Variants in METTL25 observed in about 807,000 individuals in gnomAD.
The protein encoded by METTL25 is probable methyltransferase-like protein 25.
In METTL25, 64 loss-of-function variants were observed where a neutral mutation model predicts 71.6. That is an observed-to-expected ratio of 0.89 (90% confidence interval 0.73 to 1.10). The LOEUF is 1.10. METTL25 is among the 50% of genes least tolerant of loss of function. The probability of loss-of-function intolerance (pLI) is 0.00; values close to 1 mark genes in which losing one functional copy is unlikely to be tolerated. For synonymous variants in METTL25, 287 were observed against 250.3 expected, an observed-to-expected ratio of 1.15 and a Z score of -1.38; for missense variants, 807 against 707.0, an observed-to-expected ratio of 1.14 and a Z score of -1.60.
intron 5 of METTL25, among the ~76,000 whole-genome samples, chr12:82,408,498 G>A (rs185846316): frequency 9.2e-5 from 14 of 152,092 alleles, no homozygotes; most frequent in African/African-American, 2.7e-4. Context: ...ACAAATTCAA[G>A]GAGAAAAATC....
At chr12:82,407,728 A>G (rs1339277146) in intron 5 of METTL25, 1 of 810,086 alleles carries the variant, frequency 1.2e-6, no homozygotes, top group Non-Finnish European at 1.5e-6. Flanking sequence ...TCGGAGGTCA[A>G]GAAAACAGTT....
At chr12:82,421,249 A>G (rs1592694987) in intron 5 of METTL25, among the ~76,000 whole-genome samples, 1 of 152,162 alleles carries the variant, frequency 6.6e-6, no homozygotes, top group African/African-American at 2.4e-5. Context: ...TGGCACACCA[A>G]TCAAAAGACT....
chr12:82,446,951 A>C (rs1565872768), intron 8 of METTL25, among the ~76,000 whole-genome samples: 1 of 152,188 alleles, frequency 6.6e-6, no homozygotes, highest in Non-Finnish European at 1.5e-5. Context: ...AATGAAGACA[A>C]CATACCAGAC....
intron 5 of METTL25, among the ~76,000 whole-genome samples, chr12:82,412,312 A>G (rs910906384): frequency 2.0e-5 from 3 of 152,218 alleles, no homozygotes; most frequent in South Asian, 4.1e-4. Context: ...ATTCATCACA[A>G]TCTATTCAAT....
intron 7 of METTL25, 64 bp downstream of exon 7, chr12:82,434,788 C>G (rs1889796338): frequency 1.6e-6 from 2 of 1,289,508 alleles, no homozygotes; most frequent in African/African-American, 2.9e-5. Flanking sequence ...CATACTTGAC[C>G]TGCTGATGAA....
At chr12:82,385,164 T>C (rs1884856025) in intron 1 of METTL25, among the ~76,000 whole-genome samples, 1 of 152,186 alleles carries the variant, frequency 6.6e-6, no homozygotes, top group Admixed American at 6.5e-5. Context: ...GCTGATTTTA[T>C]TCATATTAAT....
At chr12:82,447,690 A>T (rs967989102) in intron 8 of METTL25, among the ~76,000 whole-genome samples, 1 of 152,154 alleles carries the variant, frequency 6.6e-6, no homozygotes, top group African/African-American at 2.4e-5. Context: ...AGAAGTACAT[A>T]TAGAAATCAA....
At position 82,399,040 on chromosome 12, in the gene METTL25, G is replaced by C; in HGVS notation, c.777G>C (p.Glu259Asp). Residue 259 changes from glutamate (E) to aspartate (D), a missense_variant, in exon 4 of 12, where the codon GAG (glutamate) becomes GAC (aspartate). Physicochemically the swap from Glu to Asp is conservative, Grantham distance 45 (BLOSUM62 2). Coordinates refer to ENST00000248306, the MANE Select transcript of METTL25 (RefSeq NM_032230.3). ...AAGTTAAAAATAAAGCTGATACTGA[G>C]GAAGTGTTTAACAACAGTCCTACAA... ...QNKVKNKADT[E>D]EVFNNSPTNQ... 3 of 1,612,374 alleles carry C rather than the reference G, an allele frequency of 1.9e-6. No individual in the cohort carries two copies. Among genetic ancestry groups the C allele is most frequent in the Non-Finnish European group, 2.5e-6 (3 of 1,179,148 alleles).
intron 8 of METTL25, among the ~76,000 whole-genome samples, chr12:82,440,411 A>G (rs973482504): frequency 1.3e-5 from 2 of 151,970 alleles, no homozygotes; most frequent in Non-Finnish European, 2.9e-5. Flanking sequence ...CACCAATTCT[A>G]TTCTTTTCTT....
intron 3 of METTL25, among the ~76,000 whole-genome samples, chr12:82,392,725 A>G (rs796694044): frequency 2.6e-5 from 4 of 152,144 alleles, no homozygotes; most frequent in African/African-American, 9.6e-5. Context: ...AATGTCCTAG[A>G]GTGTTTCCCC....
intron 8 of METTL25, among the ~76,000 whole-genome samples, chr12:82,445,617 T>C (rs1336913449): frequency 6.6e-6 from 1 of 152,154 alleles, no homozygotes; most frequent in African/African-American, 2.4e-5. Flanking sequence ...CCATAAACCT[T>C]GAATAACAAT....
chr12:82,380,921 A>G (rs1884380539), intron 1 of METTL25, among the ~76,000 whole-genome samples: 1 of 152,232 alleles, frequency 6.6e-6, no homozygotes, highest in Non-Finnish European at 1.5e-5. Flanking sequence ...TGAGCCATGA[A>G]AATTCATGAG....
intron 1 of METTL25, among the ~76,000 whole-genome samples, chr12:82,363,577 G>T (rs916293055): frequency 6.6e-6 from 1 of 152,116 alleles, no homozygotes; most frequent in African/African-American, 2.4e-5. Context: ...GCTGCACTCT[G>T]AAGGGGGGAT....
intron 5 of METTL25, among the ~76,000 whole-genome samples, chr12:82,418,138 CACTT>C (rs1240074396): frequency 2.0e-5 from 3 of 152,054 alleles, no homozygotes; most frequent in Non-Finnish European, 2.9e-5. Flanking sequence ...TATGTATTGA[CACTT>C]AATATGCAAG....
intron 9 of METTL25, among the ~76,000 whole-genome samples, chr12:82,461,829 T>A (rs544607906): frequency 6.6e-6 from 1 of 152,156 alleles, no homozygotes. Context: ...ATGAAACATT[T>A]TGGGTACTAA....
intron 3 of METTL25, among the ~76,000 whole-genome samples, chr12:82,394,167 C>T (rs1304305559): frequency 6.6e-6 from 1 of 152,002 alleles, no homozygotes; most frequent in Non-Finnish European, 1.5e-5. Context: ...GAACATGAAG[C>T]TGTTGGGTGA....
At chr12:82,446,179 ATAT>A (rs1425158817) in intron 8 of METTL25, among the ~76,000 whole-genome samples, 1 of 152,194 alleles carries the variant, frequency 6.6e-6, no homozygotes, top group African/African-American at 2.4e-5. Context: ...TATAAAGCAA[ATAT>A]TAATAGATCT....
rs140290253 is a variant in METTL25 at position 82,441,741 on chromosome 12, C to T, written c.1478+2950C>T. On this transcript the variant is annotated intron_variant, in intron 8 of 11. Coordinates refer to ENST00000248306, the MANE Select transcript of METTL25 (RefSeq NM_032230.3). ...AAATGAAAACTGAAAGACCAGGAAGCGGGCAGGCCTAGAAAAACTTTTATG... is the reference window on the plus strand; with the variant it reads ...AAATGAAAACTGAAAGACCAGGAAGTGGGCAGGCCTAGAAAAACTTTTATG... Among the ~76,000 whole-genome samples, 160 of 146,920 alleles carry T rather than the reference C, an allele frequency of 1.1e-3. 3 individuals are homozygous for T. Among genetic ancestry groups the T allele is most frequent in the Non-Finnish European group, 4.6e-4 (31 of 67,192 alleles).
At chr12:82,469,523 G>A (rs1892446646) in intron 9 of METTL25, among the ~76,000 whole-genome samples, 1 of 151,936 alleles carries the variant, frequency 6.6e-6, no homozygotes, top group Non-Finnish European at 1.5e-5. Flanking sequence ...CATGAAAATA[G>A]CATGGGGGAA....
Sources: gnomAD v4.1 joint callset for allele counts (sites outside exome capture counted in the v4.1 genomes callset) on GRCh38, gnomAD v4.1.1 for gene constraint, MANE v1.5 for transcripts, NCBI Gene and HGNC (gene_info 2026-07-23, HGNC 2026-07-21) for gene names.